The following PTPRD variants were observed in gnomAD, a reference collection of about 807,000 sequenced individuals.
PTPRD encodes the protein protein tyrosine phosphatase receptor type D, also known as receptor-type tyrosine-protein phosphatase delta.
In PTPRD, 34 loss-of-function variants were observed where a neutral mutation model predicts 214.5. That is an observed-to-expected ratio of 0.16 (90% CI 0.12 to 0.21). The LOEUF is 0.21. Among genes scored for constraint, PTPRD ranks in the 10% least tolerant of loss-of-function variants. PTPRD has a pLI of 1.00. For synonymous variants in PTPRD, 1,128 were observed against 845.7 expected (o/e 1.33, Z -5.79); for missense variants, 2,545 against 2,398.7 (o/e 1.06, Z -1.27).
At chr9:8,701,540 G>A (rs1305618247) in intron 12 of PTPRD, 1 of 152,430 alleles carries the variant, frequency 6.6e-6, no homozygotes, top group African/African-American at 2.4e-5. Flanking sequence ...GGGAGGCTGA[G>A]GCAGGAGAAT....
At chr9:9,897,058 A>G (rs2075171268) in intron 5 of PTPRD, among the ~76,000 whole-genome samples, 1 of 152,058 alleles carries the variant, frequency 6.6e-6, no homozygotes. Context: ...CATATATCAC[A>G]AGAATTTTGA....
At chr9:9,030,764 G>A (rs1371066710) in intron 10 of PTPRD, among the ~76,000 whole-genome samples, 1 of 151,852 alleles carries the variant, frequency 6.6e-6, no homozygotes, top group Non-Finnish European at 1.5e-5. Flanking sequence ...TCAACAAGGT[G>A]CTAAGATACT....
chr9:9,096,071 G>A (rs1000395823), intron 10 of PTPRD, among the ~76,000 whole-genome samples: 10 of 152,152 alleles, frequency 6.6e-5, no homozygotes, highest in African/African-American at 2.4e-4. Context: ...CACAGAGCTA[G>A]AGAACAACAG....
chr9:10,430,879 TAAAGA>T (rs559136727), intron 2 of PTPRD, among the ~76,000 whole-genome samples: 34 of 152,120 alleles, frequency 2.2e-4, no homozygotes, highest in South Asian at 1.5e-3. Flanking sequence ...CACTTAGTGA[TAAAGA>T]AAAGTTCAAA....
intron 33 of PTPRD, 52 bp from the exon 34 acceptor site, chr9:8,449,889 G>C: frequency 1.3e-6 from 2 of 1,571,314 alleles, no homozygotes; most frequent in East Asian, 2.2e-5. Context: ...AATTGAAACA[G>C]ATAGAAAAGC....
chr9:9,821,365 G>T (rs2050672080), intron 5 of PTPRD, among the ~76,000 whole-genome samples: 2 of 152,118 alleles, frequency 1.3e-5, no homozygotes, highest in African/African-American at 2.4e-5. Context: ...GTGGTAGGGT[G>T]GAAGGGATTG....
At chr9:9,895,797 C>T (rs1470981113) in intron 5 of PTPRD, among the ~76,000 whole-genome samples, 3 of 152,068 alleles carry the variant, frequency 2.0e-5, no homozygotes, top group African/African-American at 4.8e-5. Flanking sequence ...GTGCTCATGG[C>T]ATGCAGTTCC....
chr9:9,068,436 A>G (rs1250207822), intron 10 of PTPRD, among the ~76,000 whole-genome samples: 2 of 152,116 alleles, frequency 1.3e-5, no homozygotes, highest in Non-Finnish European at 2.9e-5. Flanking sequence ...TTGAGAAGCT[A>G]TGCCATTTTA....
chr9:10,061,468 T>C (rs929163815), intron 3 of PTPRD, among the ~76,000 whole-genome samples: 3 of 152,086 alleles, frequency 2.0e-5, no homozygotes, highest in African/African-American at 7.2e-5. Flanking sequence ...ACACATCTCA[T>C]AATTGTCTGT....
intron 7 of PTPRD, among the ~76,000 whole-genome samples, chr9:9,612,532 G>C (rs1448389890): frequency 6.6e-6 from 1 of 152,078 alleles, no homozygotes; most frequent in Non-Finnish European, 1.5e-5. Context: ...TAAGGAAGTG[G>C]TTTTTCCTCT....
intron 10 of PTPRD, among the ~76,000 whole-genome samples, chr9:9,046,869 G>A (rs2154387942): frequency 6.6e-6 from 1 of 152,224 alleles, no homozygotes; most frequent in East Asian, 1.9e-4. Context: ...TGACAAGGAT[G>A]CTCAATTTTA....
chr9:9,027,586 C>T (rs1169720810), intron 10 of PTPRD, among the ~76,000 whole-genome samples: 1 of 151,922 alleles, frequency 6.6e-6, no homozygotes, highest in African/African-American at 2.4e-5. Flanking sequence ...AGTTATTGTA[C>T]TGCATATTTG....
intron 11 of PTPRD, among the ~76,000 whole-genome samples, chr9:8,979,210 T>C (rs2099290895): frequency 6.6e-6 from 1 of 152,192 alleles, no homozygotes; most frequent in East Asian, 1.9e-4. Context: ...AAAGCATTTA[T>C]AGCTAACAAA....
chr9:9,333,535 A>C (rs2043211059), intron 9 of PTPRD, among the ~76,000 whole-genome samples: 1 of 131,694 alleles, frequency 7.6e-6, no homozygotes. Context: ...TAAAGTCTGC[A>C]ATGCAATCAC....
intron 35 of PTPRD, among the ~76,000 whole-genome samples, chr9:8,423,723 A>G (rs1337601745): frequency 2.6e-5 from 4 of 152,108 alleles, no homozygotes; most frequent in African/African-American, 9.7e-5. Context: ...TCTGGTCTAT[A>G]ACTGACAATG....
intron 3 of PTPRD, among the ~76,000 whole-genome samples, chr9:10,287,946 A>G (rs914856552): frequency 1.3e-5 from 2 of 152,032 alleles, no homozygotes; most frequent in African/African-American, 2.4e-5. Context: ...TTTCTCCTAT[A>G]CATATGTTGC....
chr9:9,769,014 C>A (rs968636528), intron 5 of PTPRD, among the ~76,000 whole-genome samples: 2 of 151,578 alleles, frequency 1.3e-5, no homozygotes, highest in African/African-American at 4.9e-5. Context: ...AGTTATAGAA[C>A]GAAGGAAAGG....
At chr9:9,657,826 G>C (rs960808898) in intron 7 of PTPRD, among the ~76,000 whole-genome samples, 2 of 152,096 alleles carry the variant, frequency 1.3e-5, no homozygotes, top group African/African-American at 4.8e-5. Context: ...ATATGCTTTA[G>C]AGTAACACAA....
chr9:9,884,104 C>A (rs935803645), intron 5 of PTPRD, among the ~76,000 whole-genome samples: 2 of 152,082 alleles, frequency 1.3e-5, no homozygotes, highest in Non-Finnish European at 2.9e-5. Flanking sequence ...GTAAACACAG[C>A]TGAGAATATG....
Sources: allele counts gnomAD v4.1 joint callset (sites outside exome capture counted in the v4.1 genomes callset), GRCh38; gene constraint gnomAD v4.1.1; transcripts MANE v1.5; gene names NCBI Gene and HGNC (gene_info 2026-07-23, HGNC 2026-07-21).